SEPTIN6: variants seen among roughly 807,000 people sequenced by gnomAD.
SEPTIN6 encodes septin 6, also known as septin-6.
SEPTIN6 carries 8 observed loss-of-function variants against 33.6 expected under a neutral mutation model. That is an observed-to-expected ratio of 0.24 (90% CI 0.14 to 0.43). SEPTIN6 has a LOEUF of 0.43. SEPTIN6 is among the 20% of genes least tolerant of loss of function. The pLI is 1.00. For synonymous variants in SEPTIN6, 131 were observed against 140.0 expected (o/e 0.94, Z 0.45); for missense variants, 250 against 340.8 (o/e 0.73, Z 2.10).
At chrX:119,673,129 G>T (rs2054774798) in intron 2 of SEPTIN6, among the ~76,000 whole-genome samples, 1 of 111,735 alleles carries the variant, frequency 8.9e-6, no homozygotes, top group Non-Finnish European at 1.9e-5. Flanking sequence ...TCAGCACTTT[G>T]GTAGGCTGAG....
chrX:119,647,952 C>G (rs1417113153), intron 5 of SEPTIN6, among the ~76,000 whole-genome samples: 3 of 98,761 alleles, frequency 3.0e-5, no homozygotes, highest in African/African-American at 4.2e-5. Context: ...CGCGCCCGGC[C>G]ACTAGTTAAT....
At chrX:119,678,707 C>T (rs1483683262) in intron 1 of SEPTIN6, among the ~76,000 whole-genome samples, 2 of 110,664 alleles carry the variant, frequency 1.8e-5, no homozygotes, top group African/African-American at 6.6e-5. Flanking sequence ...GAGTCAGGGA[C>T]ATGAGAACTG....
At chrX:119,662,234 T>C (rs1047820159) in intron 3 of SEPTIN6, among the ~76,000 whole-genome samples, 1 of 112,199 alleles carries the variant, frequency 8.9e-6, no homozygotes, top group East Asian at 2.8e-4. Flanking sequence ...TCTACCTTGA[T>C]AACCCAATCT....
Position 119,617,584 on chromosome X carries a change from G to A in SEPTIN6, c.*2509C>T, listed in dbSNP as rs890570103. 2.2e-5 allele frequency: 18 copies of A among 801,293 alleles called. No individual in the cohort carries two copies. The highest frequency in any genetic ancestry group is 2.7e-5 in the Non-Finnish European group (18 of 668,969). The allele number at this position is 801,293 out of a possible 1,213,427, so 66.0% of individuals were successfully genotyped here. On this transcript the variant is annotated 3_prime_UTR_variant, in exon 11 of 11. Coordinates refer to ENST00000394610, the MANE Select transcript of SEPTIN6 (RefSeq NM_145799.4). ...ATGTTTTTCTGTGGAAAAAAACCTC[G>A]AGGGTCTTCTAATACTAACTAGTCA...
At chrX:119,660,945 G>C (rs2147571547) in intron 3 of SEPTIN6, among the ~76,000 whole-genome samples, 1 of 103,523 alleles carries the variant, frequency 9.7e-6, no homozygotes, top group African/African-American at 3.6e-5. Flanking sequence ...GGGAGGCTGA[G>C]GCAGGAGAAT....
downstream of SEPTIN6, chrX:119,616,520 C>A (rs1178384722): frequency 1.9e-6 from 1 of 531,298 alleles, no homozygotes; most frequent in African/African-American, 2.2e-5. Context: ...CAAGACACTT[C>A]CATTTAAAAT....
At chrX:119,670,150 T>C (rs1411180022) in intron 2 of SEPTIN6, among the ~76,000 whole-genome samples, 2 of 111,462 alleles carry the variant, frequency 1.8e-5, no homozygotes, top group Non-Finnish European at 3.8e-5. Flanking sequence ...GACTAGTATA[T>C]GTGTTTTTAT....
chrX:119,617,594 T>C lies in SEPTIN6; in HGVS notation c.*2499A>G, dbSNP rs1377192253. The C allele has an allele frequency of 1.0e-5, 8 of 800,141 alleles. No individual in the cohort carries two copies. In the South Asian group the frequency reaches 4.7e-4, roughly 47 times the overall value. The allele number at this position is 800,141 out of a possible 1,213,427, so 65.9% of individuals were successfully genotyped here. ...GTGGAAAAAAACCTCGAGGGTCTTC[T>C]AATACTAACTAGTCAGTTACTCTGA... On this transcript the variant is annotated 3_prime_UTR_variant, in exon 11 of 11. Transcript: ENST00000394610.
intron 1 of SEPTIN6, among the ~76,000 whole-genome samples, chrX:119,691,413 T>C (rs1250472889): frequency 8.9e-6 from 1 of 112,279 alleles, no homozygotes; most frequent in African/African-American, 3.2e-5. Context: ...ATCTCTGAAA[T>C]GCAGGTAACC....
chrX:119,632,333 C>A (rs372394860), intron 8 of SEPTIN6, among the ~76,000 whole-genome samples: 160 of 110,069 alleles, frequency 1.5e-3, no homozygotes, highest in African/African-American at 5.2e-3. Context: ...GTAGCTGGGA[C>A]TACAGGCGCC....
intron 5 of SEPTIN6, among the ~76,000 whole-genome samples, chrX:119,647,972 A>ATTTTTTTTTTTTTTTTTTTTTTTTTT (rs1161503719): frequency 2.3e-5 from 2 of 87,233 alleles, no homozygotes; most frequent in Non-Finnish European, 4.5e-5. Context: ...TTTTTTTTAA[A>ATTTTTTTTTTTTTTTTTTTTTTTTTT]TTTCAGTAGA....
chrX:119,629,280 AAAGAGAAGGCACC>A, intron 9 of SEPTIN6, 25 bp downstream of exon 9: 1 of 1,183,724 alleles, frequency 8.4e-7, no homozygotes, highest in Non-Finnish European at 1.1e-6. Context: ...GAGCAGGAGG[AAAGAGAAGGCACC>A]ACCCCAGAGC....
chrX:119,663,471 GCCTT>G lies in SEPTIN6; in HGVS notation c.341+7_341+10del. 6.7e-6 allele frequency: 2 copies of G among 297,623 alleles called. No individual in the cohort carries two copies. The highest frequency in any genetic ancestry group is 1.1e-5 in the Non-Finnish European group (2 of 175,881). 24.5% of individuals were successfully genotyped at this position (297,623 alleles called of 1,213,427 possible). On this transcript the variant is annotated splice_region_variant and intron_variant, in intron 3 of 10. Transcript: ENST00000394610. Reference sequence around the variant, plus strand: ...CCTCCCCACCCTACCCCACCCCACCGCCTTCTTTACCTGTCCTCTTTGTTGATCT... The same window carrying G: ...CCTCCCCACCCTACCCCACCCCACCGCTTTACCTGTCCTCTTTGTTGATCT...
chrX:119,672,923 T>C (rs1226453257), intron 2 of SEPTIN6, among the ~76,000 whole-genome samples: 2 of 112,436 alleles, frequency 1.8e-5, no homozygotes, highest in Non-Finnish European at 3.7e-5. Context: ...ATATTTTCTT[T>C]TTTTTAATGT....
At chrX:119,629,000 T>A (rs2053909580) in intron 9 of SEPTIN6, 1 of 224,500 alleles carries the variant, frequency 4.5e-6, no homozygotes, top group South Asian at 1.5e-4. Flanking sequence ...TCCCTTCTGC[T>A]CTCTCACTCT....
chrX:119,677,006 TCCTCAAGC>T (rs1156424148), intron 1 of SEPTIN6, among the ~76,000 whole-genome samples: 2 of 112,383 alleles, frequency 1.8e-5, no homozygotes, highest in East Asian at 5.6e-4. Context: ...AGGATCATGC[TCCTCAAGC>T]CCTTAGCGTA....
intron 1 of SEPTIN6, among the ~76,000 whole-genome samples, chrX:119,676,004 CATTTACAAGCT>C (rs1476358701): frequency 3.6e-5 from 4 of 110,815 alleles, no homozygotes; most frequent in African/African-American, 1.3e-4. Flanking sequence ...TCCACTCAGT[CATTTACAAGCT>C]GAGTAACTTG....
intron 1 of SEPTIN6, among the ~76,000 whole-genome samples, chrX:119,686,284 C>A (rs188850687): frequency 9.0e-6 from 1 of 111,575 alleles, no homozygotes; most frequent in Non-Finnish European, 1.9e-5. Flanking sequence ...AGCTGGGGGC[C>A]TCCAATGTGA....
At chrX:119,634,851 AT>A (rs2147479873) in intron 7 of SEPTIN6, among the ~76,000 whole-genome samples, 1 of 109,289 alleles carries the variant, frequency 9.2e-6, no homozygotes, top group East Asian at 2.9e-4. Context: ...TCTAATAAAA[AT>A]ACAAAAATTA....
Sources: allele counts gnomAD v4.1 joint callset (sites outside exome capture counted in the v4.1 genomes callset), GRCh38; gene constraint gnomAD v4.1.1; transcripts MANE v1.5; gene names NCBI Gene and HGNC (gene_info 2026-07-23, HGNC 2026-07-21).